ELMOD3: variants seen among roughly 807,000 people sequenced by gnomAD.
The protein encoded by ELMOD3 is ELMO domain-containing protein 3.
ELMOD3 carries 36 observed loss-of-function variants against 47.4 expected under a neutral mutation model. The ratio of observed to expected loss-of-function variants is 0.76; its 90% CI spans 0.58 to 1.00. ELMOD3 has a LOEUF of 1.00. Ranked by LOEUF, ELMOD3 falls within the 50% of genes least tolerant of loss-of-function variation. The pLI is 0.00. For synonymous variants in ELMOD3, 149 were observed against 183.5 expected, an observed-to-expected ratio of 0.81 and a Z score of 1.52; for missense variants, 404 against 463.8, an observed-to-expected ratio of 0.87 and a Z score of 1.18.
chr2:85,371,527 T>G lies in ELMOD3; in HGVS notation c.572T>G (p.Leu191Arg). 1.2e-6 allele frequency: 2 copies of G among 1,614,164 alleles called. No individual in the cohort carries two copies. Among genetic ancestry groups the G allele is most frequent in the African/African-American group, 1.3e-5 (1 of 75,036 alleles). ...ACCGGCTCCAAGTTTGACTGTGCCCTTCATGGAAACCACTGGGAGGACCTG... is the reference window on the plus strand; with the variant it reads ...ACCGGCTCCAAGTTTGACTGTGCCCGTCATGGAAACCACTGGGAGGACCTG... ...KLTGSKFDCA[L>R]HGNHWEDLGF... The change falls in exon 10 of 14, where the codon CTT becomes CGT. Residue 191 changes from leucine (L) to arginine (R), a missense_variant. Coordinates refer to ENST00000409013, the MANE Select transcript of ELMOD3 (RefSeq NM_001135022.2).
At chr2:85,377,232 T>C (rs1685218714) in intron 10 of ELMOD3, 112 bp from the exon 11 acceptor site, 1 of 981,466 alleles carries the variant, frequency 1.0e-6, no homozygotes, top group East Asian at 2.9e-5. Flanking sequence ...GGACGTGTGC[T>C]GCTCATGCTC....
intron 13 of ELMOD3, 67 bp from the exon 14 acceptor site, chr2:85,390,693 A>G (rs980157054): frequency 1.3e-6 from 2 of 1,530,956 alleles, no homozygotes; most frequent in Non-Finnish European, 8.8e-7. Flanking sequence ...GCTAGGCTTG[A>G]GGCCTTGACT....
intron 9 of ELMOD3, 103 bp downstream of exon 9, chr2:85,371,312 T>C: frequency 1.2e-6 from 2 of 1,603,684 alleles, no homozygotes; most frequent in South Asian, 1.1e-5. Context: ...GCATGTACCA[T>C]GGTTGGCGGG....
In ELMOD3 at chr2:85,369,748, C is replaced by A. The variant is rs766575688; in HGVS notation, c.278C>A (p.Ala93Asp). 3.1e-6 allele frequency: 5 copies of A among 1,614,008 alleles called. No homozygotes were observed. In the African/African-American group the frequency reaches 6.7e-5, roughly 22 times the overall value. Reference protein sequence around the residue: ...DTIQPETGSQASSEQPGQLIS... With the variant: ...DTIQPETGSQDSSEQPGQLIS... Reference sequence around the variant, plus strand: ...TTCCGTTTTGCCACAGGGAGCCAAGCTAGCTCAGAGCAGCCTGGGCAGCTA... The same window carrying A: ...TTCCGTTTTGCCACAGGGAGCCAAGATAGCTCAGAGCAGCCTGGGCAGCTA... The change falls in exon 8 of 14, where the codon GCT becomes GAT. Residue 93 changes from alanine (A) to aspartate (D), a missense_variant. Physicochemically the swap from Ala to Asp is moderately radical, Grantham distance 126 (BLOSUM62 -2). Transcript: ENST00000409013.
intron 10 of ELMOD3, among the ~76,000 whole-genome samples, chr2:85,375,940 C>T (rs1461571159): frequency 1.3e-5 from 2 of 152,166 alleles, no homozygotes; most frequent in African/African-American, 4.8e-5. Context: ...TCTGGGCTTC[C>T]GCCTTTCTTT....
At chr2:85,377,278 T>C in intron 10 of ELMOD3, 66 bp from the exon 11 acceptor site, 2 of 1,458,228 alleles carry the variant, frequency 1.4e-6, no homozygotes, top group Admixed American at 2.3e-5. Flanking sequence ...CAGGGCAGCT[T>C]CCCATGGCAA....
At chr2:85,370,061 TATCTACTC>T (rs1174023503) in intron 8 of ELMOD3, among the ~76,000 whole-genome samples, 1 of 152,172 alleles carries the variant, frequency 6.6e-6, no homozygotes, top group Non-Finnish European at 1.5e-5. Context: ...TATAGCTGTT[TATCTACTC>T]TTCCCTTTTA....
In ELMOD3 at chr2:85,390,195, A is replaced by G. The variant is rs1686235736; in HGVS notation, c.873A>G (p.Thr291=). The change falls in exon 13 of 14, where the codon ACA becomes ACG. Residue 291 remains threonine, a synonymous_variant. Transcript: ENST00000409013. ...IPVVNSFYAA[T]FLHLAHVWRT... ...TGGTGAACAGCTTCTATGCCGCCAC[A>G]TTCCTCCACCTCGCACATGTCTGGA... The G allele has an allele frequency of 6.2e-7, 1 of 1,614,194 alleles. No homozygotes were observed. The highest frequency in any genetic ancestry group is 8.5e-7 in the Non-Finnish European group (1 of 1,180,038).
intron 6 of ELMOD3, chr2:85,367,463 T>C (rs772338950): frequency 1.3e-5 from 2 of 152,250 alleles, no homozygotes; most frequent in Non-Finnish European, 2.9e-5. Context: ...CAGGTAGTTC[T>C]GGATGGCCCT....
chr2:85,373,919 C>CTTTTT lies in ELMOD3; in HGVS notation c.607+2372_607+2376dup, dbSNP rs769671833. ...TTGTTTGTTCTTCCTTCCTAACCCTCTTTTTTTTTTTTTTTTTTTCTATTT... is the reference window on the plus strand; with the variant it reads ...TTGTTTGTTCTTCCTTCCTAACCCTCTTTTTTTTTTTTTTTTTTTTTTTTCTATTT... On this transcript the variant is annotated intron_variant, in intron 10 of 13. Coordinates refer to ENST00000409013, the MANE Select transcript of ELMOD3 (RefSeq NM_001135022.2). Among the ~76,000 whole-genome samples the CTTTTT allele has an allele frequency of 2.1e-4, 26 of 124,566 alleles. No homozygotes were observed. In the East Asian group the frequency reaches 5.3e-3, roughly 26 times the overall value. 81.7% of individuals were successfully genotyped at this position (124,566 alleles called of 152,430 possible). A position where few individuals can be genotyped will look rare whatever the true frequency, so the allele number is the denominator to read the frequency against.
chr2:85,385,672 G>A (rs966517349), intron 11 of ELMOD3, among the ~76,000 whole-genome samples: 4 of 152,176 alleles, frequency 2.6e-5, no homozygotes, highest in Non-Finnish European at 5.9e-5. Context: ...TGGGCCAGAG[G>A]GCGCAGGGCC....
intron 10 of ELMOD3, among the ~76,000 whole-genome samples, chr2:85,375,511 T>C (rs1685110219): frequency 6.6e-6 from 1 of 152,230 alleles, no homozygotes; most frequent in Non-Finnish European, 1.5e-5. Flanking sequence ...AGTTCTTCTA[T>C]TTTTCAGTTC....
At chr2:85,387,202 G>A (rs1030707896) in intron 11 of ELMOD3, 2 of 1,219,326 alleles carry the variant, frequency 1.6e-6, no homozygotes, top group Admixed American at 6.3e-5. Flanking sequence ...AGCATCAATG[G>A]TGTTCTCAGC....
At position 85,389,815 on chromosome 2, in the gene ELMOD3, AGTG is replaced by A; in HGVS notation, c.804_806del (p.Glu268_Cys269delinsAsp). 6.2e-7 allele frequency: 1 copy of A among 1,613,154 alleles called. No homozygotes were observed. The highest frequency in any genetic ancestry group is 8.5e-7 in the Non-Finnish European group (1 of 1,179,234). On this transcript the variant is annotated inframe_deletion, in exon 12 of 14. Coordinates refer to ENST00000409013, the MANE Select transcript of ELMOD3 (RefSeq NM_001135022.2). ...ATTGCCATCCAGGCCTTGAGAGAGG[AGTG>A]TCTCTCCAGGTGAGTCCCCAAACAC...
At chr2:85,388,122 T>C (rs1274062116) in intron 11 of ELMOD3, among the ~76,000 whole-genome samples, 4 of 151,830 alleles carry the variant, frequency 2.6e-5, no homozygotes, top group Non-Finnish European at 5.9e-5. Flanking sequence ...GTGTTCTGCA[T>C]AAAGTATCTT....
chr2:85,363,110 A>G lies in ELMOD3; in HGVS notation c.143A>G (p.Lys48Arg). ...CTGCCTCTACAGATCTCAGAGTTGA[A>G]GAACCATGGCATTCTCCAGGCTCTG... is the stretch of plus-strand genomic sequence containing the variant. ...AFRGIPISEL[K>R]NHGILQALTT... Residue 48 changes from lysine (K) to arginine (R), a missense_variant, in exon 6 of 14, where the codon AAG (lysine) becomes AGG (arginine). Lys to Arg is a conservative substitution (Grantham distance 26). Transcript: ENST00000409013. 8 of 1,611,218 alleles carry G rather than the reference A, an allele frequency of 5.0e-6. No individual in the cohort carries two copies. Among genetic ancestry groups the G allele is most frequent in the Non-Finnish European group, 6.8e-6 (8 of 1,177,500 alleles).
At chr2:85,383,616 G>A (rs528925385) in intron 11 of ELMOD3, among the ~76,000 whole-genome samples, 17 of 152,206 alleles carry the variant, frequency 1.1e-4, no homozygotes, top group Non-Finnish European at 1.8e-4. Context: ...GAGCCACCAC[G>A]CCCAGCCAAA....
chr2:85,381,834 T>C (rs1259569193), intron 11 of ELMOD3, among the ~76,000 whole-genome samples: 1 of 152,080 alleles, frequency 6.6e-6, no homozygotes, highest in Non-Finnish European at 1.5e-5. Flanking sequence ...GTTTAAGATT[T>C]GGGCTGGGCG....
intron 10 of ELMOD3, 25 bp from the exon 11 acceptor site, chr2:85,377,319 T>C (rs755081292): frequency 6.4e-7 from 1 of 1,565,130 alleles, no homozygotes; most frequent in East Asian, 2.3e-5. Context: ...TGCCACACCC[T>C]GTTTCCTCAC....
Sources: allele counts gnomAD v4.1 joint callset (sites outside exome capture counted in the v4.1 genomes callset), GRCh38; gene constraint gnomAD v4.1.1; transcripts MANE v1.5; gene names NCBI Gene and HGNC (gene_info 2026-07-23, HGNC 2026-07-21).